KCND2: variants seen among roughly 807,000 people sequenced by gnomAD.
KCND2 encodes A-type voltage-gated potassium channel KCND2.
KCND2 carries 16 observed loss-of-function variants against 54.4 expected under a neutral mutation model. The observed-to-expected ratio is 0.29, with a 90% confidence interval of 0.20 to 0.45. The LOEUF (loss-of-function observed/expected upper bound fraction) is 0.45, where lower values mean the gene tolerates loss of function less well. Ranked by LOEUF, KCND2 falls within the 20% of genes least tolerant of loss-of-function variation. The pLI is 1.00. For missense variants in KCND2, 486 were observed against 824.2 expected, an observed-to-expected ratio of 0.59 and a Z score of 5.02; for synonymous variants, 317 against 310.7, an observed-to-expected ratio of 1.02 and a Z score of -0.21.
intron 1 of KCND2, among the ~76,000 whole-genome samples, chr7:120,563,910 C>A (rs1469074022): frequency 6.6e-6 from 1 of 152,124 alleles, no homozygotes; most frequent in Admixed American, 6.5e-5. Flanking sequence ...CTTTACTTAT[C>A]CCATCAGAAA....
chr7:120,441,400 ATACAATCTTACTCATTTAAT>A (rs1219657308), intron 1 of KCND2, among the ~76,000 whole-genome samples: 1 of 152,102 alleles, frequency 6.6e-6, no homozygotes, highest in Non-Finnish European at 1.5e-5. Context: ...CAACAAATGG[ATACAATCTTACTCATTTAAT>A]TCTTCTGGAA....
chr7:120,645,464 G>A (rs1272916937), intron 1 of KCND2, among the ~76,000 whole-genome samples: 1 of 152,100 alleles, frequency 6.6e-6, no homozygotes, highest in Non-Finnish European at 1.5e-5. Flanking sequence ...GTGTCCAGTG[G>A]CTGACCACAT....
chr7:120,622,239 C>T (rs1793108205), intron 1 of KCND2, among the ~76,000 whole-genome samples: 1 of 152,004 alleles, frequency 6.6e-6, no homozygotes, highest in African/African-American at 2.4e-5. Context: ...TAAAAGAACT[C>T]AACATATGTT....
At chr7:120,326,597 G>A (rs537907077) in intron 1 of KCND2, among the ~76,000 whole-genome samples, 11 of 152,014 alleles carry the variant, frequency 7.2e-5, no homozygotes, top group Non-Finnish European at 1.2e-4. Context: ...AACACTTCAA[G>A]AAAGTTGTGC....
intron 1 of KCND2, among the ~76,000 whole-genome samples, chr7:120,614,624 A>T (rs181602345): frequency 2.0e-4 from 30 of 152,350 alleles, no homozygotes; most frequent in African/African-American, 6.7e-4. Flanking sequence ...ATTAAAATGC[A>T]ATAAGCATTG....
intron 1 of KCND2, among the ~76,000 whole-genome samples, chr7:120,699,378 A>G (rs758567169): frequency 1.3e-5 from 2 of 152,202 alleles, no homozygotes; most frequent in Non-Finnish European, 2.9e-5. Flanking sequence ...ATTCCAAAGC[A>G]TTTCTTGAGC....
intron 3 of KCND2, 28 bp from the exon 4 acceptor site, chr7:120,742,482 A>C: frequency 6.4e-7 from 1 of 1,573,290 alleles, no homozygotes. Flanking sequence ...TAAAATAGAA[A>C]GCTCTTCTGT....
chr7:120,504,965 C>T (rs1270022136), intron 1 of KCND2, among the ~76,000 whole-genome samples: 1 of 151,548 alleles, frequency 6.6e-6, no homozygotes, highest in South Asian at 2.1e-4. Context: ...GTTGCACTTA[C>T]AAAATATAAA....
chr7:120,539,964 G>A (rs953230403), intron 1 of KCND2, among the ~76,000 whole-genome samples: 5 of 152,188 alleles, frequency 3.3e-5, no homozygotes, highest in African/African-American at 4.8e-5. Context: ...GATGCCTGCC[G>A]TGCCAGAGAC....
chr7:120,603,072 A>T (rs1209793583), intron 1 of KCND2, among the ~76,000 whole-genome samples: 1 of 152,178 alleles, frequency 6.6e-6, no homozygotes, highest in East Asian at 1.9e-4. Flanking sequence ...ACTAAATAAC[A>T]CAAGTAAACG....
intron 1 of KCND2, among the ~76,000 whole-genome samples, chr7:120,638,925 G>GAA (rs1231102846): frequency 6.6e-6 from 1 of 152,040 alleles, no homozygotes; most frequent in African/African-American, 2.4e-5. Flanking sequence ...TGGAGAGAGA[G>GAA]AAACTTTTAA....
chr7:120,380,057 T>C (rs756482681), intron 1 of KCND2, among the ~76,000 whole-genome samples: 14 of 152,066 alleles, frequency 9.2e-5, no homozygotes, highest in Non-Finnish European at 2.1e-4. Context: ...AATCAATAAA[T>C]ATATCCAATA....
chr7:120,666,123 G>A (rs1423471093), intron 1 of KCND2, among the ~76,000 whole-genome samples: 1 of 152,010 alleles, frequency 6.6e-6, no homozygotes, highest in Non-Finnish European at 1.5e-5. Context: ...AGTGCATCAT[G>A]CCTGTCCAGC....
At chr7:120,339,053 ATT>A (rs111566147) in intron 1 of KCND2, among the ~76,000 whole-genome samples, 56 of 141,176 alleles carry the variant, frequency 4.0e-4, no homozygotes, top group African/African-American at 9.6e-4. Context: ...GCTAATTATT[ATT>A]TTTTTTTTTT....
chr7:120,455,185 AT>A (rs937602551), intron 1 of KCND2, among the ~76,000 whole-genome samples: 31 of 152,120 alleles, frequency 2.0e-4, no homozygotes, highest in African/African-American at 6.3e-4. Context: ...GAAAAAAAAA[AT>A]TTTAAAATTT....
chr7:120,634,740 T>G (rs965800628), intron 1 of KCND2, among the ~76,000 whole-genome samples: 1 of 152,236 alleles, frequency 6.6e-6, no homozygotes, highest in Non-Finnish European at 1.5e-5. Flanking sequence ...TTATTCTTCT[T>G]TCTAAAACCC....
intron 1 of KCND2, among the ~76,000 whole-genome samples, chr7:120,665,061 A>C (rs964099809): frequency 7.9e-5 from 12 of 152,048 alleles, no homozygotes; most frequent in Admixed American, 5.9e-4. Context: ...TTTAAAACCC[A>C]GGGACCCAAA....
At chr7:120,580,548 A>G (rs950454579) in intron 1 of KCND2, among the ~76,000 whole-genome samples, 1 of 152,198 alleles carries the variant, frequency 6.6e-6, no homozygotes, top group African/African-American at 2.4e-5. Flanking sequence ...TTATTCAGAC[A>G]GTCCTGCATT....
chr7:120,703,648 C>A (rs1398008750), intron 1 of KCND2, among the ~76,000 whole-genome samples: 1 of 152,058 alleles, frequency 6.6e-6, no homozygotes, highest in Non-Finnish European at 1.5e-5. Flanking sequence ...GAGGAGAAAC[C>A]AAAATGCATC....
Sources: gnomAD v4.1 joint callset for allele counts (sites outside exome capture counted in the v4.1 genomes callset) on GRCh38, gnomAD v4.1.1 for gene constraint, MANE v1.5 for transcripts, NCBI Gene and HGNC (gene_info 2026-07-23, HGNC 2026-07-21) for gene names.